The following MARK2 variants were observed in gnomAD, a reference collection of about 807,000 sequenced individuals.
The protein encoded by MARK2 is microtubule affinity regulating kinase 2, also known as serine/threonine-protein kinase MARK2.
Under a neutral mutation model 89.8 loss-of-function variants are expected in MARK2, and 16 were observed. That is an observed-to-expected ratio of 0.18 (90% CI 0.12 to 0.27). The LOEUF (loss-of-function observed/expected upper bound fraction) is 0.27. Ranked by LOEUF, MARK2 falls within the 10% of genes least tolerant of loss-of-function variation. The pLI, the probability that MARK2 is intolerant of heterozygous loss-of-function variation, is 1.00. For synonymous variants in MARK2, 382 were observed against 399.5 expected (o/e 0.96, Z 0.52); for missense variants, 621 against 1,049.9 (o/e 0.59, Z 5.65).
chr11:63,846,641 C>T (rs373330873), intron 1 of MARK2, among the ~76,000 whole-genome samples: 19 of 149,082 alleles, frequency 1.3e-4, no homozygotes, highest in African/African-American at 2.5e-4. Context: ...TGAGTCACCC[C>T]GCCTGGCCAA....
chr11:63,861,899 G>C (rs1395549076), intron 1 of MARK2, among the ~76,000 whole-genome samples: 1 of 147,876 alleles, frequency 6.8e-6, no homozygotes, highest in Admixed American at 6.8e-5. Context: ...CTGCCACCAT[G>C]CCTGGCTAAT....
chr11:63,885,981 T>G lies in MARK2; in HGVS notation c.55-9178T>G, dbSNP rs371364205. 9.4e-4 allele frequency among the ~76,000 whole-genome samples: 137 copies of G among 145,350 alleles called. 1 individual carries two copies. In the South Asian group the frequency reaches 0.015, roughly 16 times the overall value. ...GTCTCTACTAAAAATATAAAAAAAT[T>G]AGCTGAGTGTGGTGGCGGGCGCCTG... On this transcript the variant is annotated intron_variant, in intron 1 of 18. Transcript: ENST00000402010.
At chr11:63,846,418 C>T (rs182202096) in intron 1 of MARK2, among the ~76,000 whole-genome samples, 10 of 151,700 alleles carry the variant, frequency 6.6e-5, no homozygotes, top group Admixed American at 1.3e-4. Flanking sequence ...TGCAGTGGTG[C>T]GATCTCAGCT....
At chr11:63,849,259 A>C (rs955069672) in intron 1 of MARK2, among the ~76,000 whole-genome samples, 5 of 152,148 alleles carry the variant, frequency 3.3e-5, no homozygotes, top group African/African-American at 1.2e-4. Flanking sequence ...TATTGAAGCC[A>C]CTCGGAGATT....
rs1376652603 is a variant in MARK2, at chr11:63,900,053, A to T, written c.711A>T (p.Gly237=). Residue 237 remains glycine, a synonymous_variant, in exon 8 of 19, where the codon GGA becomes GGT. Transcript: ENST00000402010. This position sits in a 1 kb window ranked among gnomAD's most constrained non-coding sequence, Gnocchi z 4.7. ...DGPEVDVWSL[G]VILYTLVSGS... is the part of the protein sequence containing the mutation. ...CCGAGGTGGATGTGTGGAGCCTAGG[A>T]GTTATCCTCTATACACTGGTCAGCG... 6.2e-7 allele frequency: 1 copy of T among 1,614,086 alleles called. No homozygotes were observed. The highest frequency in any genetic ancestry group is 8.5e-7 in the Non-Finnish European group (1 of 1,180,038).
At chr11:63,841,240 T>C (rs2016000024) in intron 1 of MARK2, among the ~76,000 whole-genome samples, 1 of 152,204 alleles carries the variant, frequency 6.6e-6, no homozygotes. Flanking sequence ...TACTGTGTTT[T>C]TCTATTTTGT....
chr11:63,853,355 T>G (rs1253192578), intron 1 of MARK2, among the ~76,000 whole-genome samples: 2 of 150,746 alleles, frequency 1.3e-5, no homozygotes, highest in Non-Finnish European at 2.9e-5. Flanking sequence ...GCCGAGATCG[T>G]GCCATTGCAC....
At chr11:63,862,079 A>G (rs1422463264) in intron 1 of MARK2, among the ~76,000 whole-genome samples, 2 of 151,772 alleles carry the variant, frequency 1.3e-5, no homozygotes, top group Admixed American at 1.3e-4. Flanking sequence ...ATCCGCCACC[A>G]TGCCCGGCTA....
At chr11:63,868,726 C>G (rs1237324624) in intron 1 of MARK2, 1 of 454,230 alleles carries the variant, frequency 2.2e-6, no homozygotes, top group Non-Finnish European at 4.4e-6. Context: ...CTCCTGGTTA[C>G]AGTGGGCTCA....
intron 17 of MARK2, among the ~76,000 whole-genome samples, chr11:63,907,238 C>A (rs1465439177): frequency 1.3e-5 from 2 of 152,180 alleles, no homozygotes; most frequent in Non-Finnish European, 2.9e-5. Context: ...CTTTCCCTAT[C>A]CCCTCCTCCT....
intron 1 of MARK2, among the ~76,000 whole-genome samples, chr11:63,862,823 T>C (rs1294570930): frequency 6.6e-6 from 1 of 151,778 alleles, no homozygotes; most frequent in African/African-American, 2.4e-5. Flanking sequence ...CCATGAAATG[T>C]TGGGATTCTA....
chr11:63,904,099 C>T lies in MARK2; in HGVS notation c.1628C>T (p.Ala543Val). Residue 543 changes from alanine (A) to valine (V), a missense_variant, in exon 15 of 19, where the codon GCC (alanine) becomes GTC (valine). Ala to Val is a moderately conservative substitution (Grantham distance 64). Around this residue, in one of 5 missense-constraint regions of MARK2, gnomAD observed 397 missense variants for 567.8 expected, o/e 0.70. Transcript: ENST00000402010. This position sits in a 1 kb window ranked among gnomAD's most constrained non-coding sequence, Gnocchi z 6.3. Reference sequence around the variant, plus strand: ...TCGGCCTCCGTGCACCCCAACAAGGCCTCTGGGCTGCCCCCCACGGAGAGT... The same window carrying T: ...TCGGCCTCCGTGCACCCCAACAAGGTCTCTGGGCTGCCCCCCACGGAGAGT... ...SMSASVHPNK[A>V]SGLPPTESNC... The T allele has an allele frequency of 6.2e-7, 1 of 1,602,684 alleles. No homozygotes were observed. The highest frequency in any genetic ancestry group is 8.5e-7 in the Non-Finnish European group (1 of 1,178,452).
At chr11:63,899,736 C>T (rs937506716) in intron 7 of MARK2, 138 bp from the exon 8 acceptor site, 2 of 703,920 alleles carry the variant, frequency 2.8e-6, no homozygotes, top group Non-Finnish European at 5.1e-6. Context: ...GATTGAAGCC[C>T]TGCCCTGAAA....
chr11:63,902,963 G>A lies in MARK2; in HGVS notation c.1417-98G>A. The A allele has an allele frequency of 8.6e-7, 1 of 1,156,658 alleles. No homozygotes were observed. Among genetic ancestry groups the A allele is most frequent in the Non-Finnish European group, 1.3e-6 (1 of 771,986 alleles). The allele number at this position is 1,156,658 out of a possible 1,614,324, so 71.6% of individuals were successfully genotyped here. A position where few individuals can be genotyped will look rare whatever the true frequency, so the allele number is the denominator to read the frequency against. ...TAACCTACCACTGTCTGCTTCAGGT[G>A]GAAGGGACAGGAAGCCTGTTCCATG... On this transcript the variant is annotated intron_variant, in intron 13 of 18. Transcript: ENST00000402010. The surrounding 1 kb of genome is among the most constrained non-coding windows in gnomAD (Gnocchi z 4.2).
chr11:63,908,559 C>A (rs1941536034), intron 18 of MARK2, among the ~76,000 whole-genome samples: 1 of 152,192 alleles, frequency 6.6e-6, no homozygotes, highest in African/African-American at 2.4e-5. Flanking sequence ...CAGATTCCTA[C>A]CCCTGGACTA....
chr11:63,844,106 T>G (rs1356934649), intron 1 of MARK2, among the ~76,000 whole-genome samples: 2 of 152,190 alleles, frequency 1.3e-5, no homozygotes, highest in Non-Finnish European at 2.9e-5. Context: ...GAAGGAAGTG[T>G]TGTTAGAGCA....
In MARK2 at chr11:63,839,598, G is replaced by C. The variant is rs549511568; in HGVS notation, c.54+38G>C. ...GAGGGCTCCCCGAATTCTCTGGCTGGGCCCTTTGCACCTTGCGGAGCCTCC... is the reference window on the plus strand; with the variant it reads ...GAGGGCTCCCCGAATTCTCTGGCTGCGCCCTTTGCACCTTGCGGAGCCTCC... On this transcript the variant is annotated intron_variant, in intron 1 of 18. Coordinates refer to ENST00000402010, the MANE Select transcript of MARK2 (RefSeq NM_001039469.3). 6 of 1,377,878 alleles carry C rather than the reference G, an allele frequency of 4.4e-6. No individual in the cohort carries two copies. In the African/African-American group the frequency reaches 8.8e-5, roughly 20 times the overall value. 85.4% of individuals were successfully genotyped at this position (1,377,878 alleles called of 1,614,324 possible).
chr11:63,876,218 C>CAG (rs1422336770), intron 1 of MARK2, among the ~76,000 whole-genome samples: 1 of 149,788 alleles, frequency 6.7e-6, no homozygotes, highest in Non-Finnish European at 1.5e-5. Context: ...TGTAGATGAC[C>CAG]AGAACTTAGC....
intron 1 of MARK2, among the ~76,000 whole-genome samples, chr11:63,873,362 C>G (rs1938565742): frequency 6.6e-6 from 1 of 152,158 alleles, no homozygotes; most frequent in African/African-American, 2.4e-5. Flanking sequence ...TTGGGTGCAT[C>G]TTCCCTGGCC....
Sources: allele counts gnomAD v4.1 joint callset (sites outside exome capture counted in the v4.1 genomes callset), GRCh38; gene constraint gnomAD v4.1.1; regional missense constraint gnomAD v4.1.1; non-coding constraint Gnocchi (gnomAD v3.1); transcripts MANE v1.5; gene names NCBI Gene and HGNC (gene_info 2026-07-23, HGNC 2026-07-21).